Variants in NFATC3 observed in about 807,000 individuals in gnomAD.
NFATC3 encodes nuclear factor of activated T cells 3.
In NFATC3, 46 loss-of-function variants were observed where a neutral mutation model predicts 98.6. The observed-to-expected ratio is 0.47, with a 90% CI of 0.37 to 0.60. The LOEUF (loss-of-function observed/expected upper bound fraction) is 0.60, where lower values mean the gene tolerates loss of function less well. NFATC3 is among the 20% of genes least tolerant of loss of function. The probability of loss-of-function intolerance (pLI) is 0.00; values close to 1 mark genes in which losing one functional copy is unlikely to be tolerated. For missense variants in NFATC3, 1,256 were observed against 1,295.5 expected, an observed-to-expected ratio of 0.97 and a Z score of 0.47; for synonymous variants, 512 against 472.2, an observed-to-expected ratio of 1.08 and a Z score of -1.09.
intron 4 of NFATC3, among the ~76,000 whole-genome samples, chr16:68,165,613 C>A (rs1341620061): frequency 6.6e-6 from 1 of 152,062 alleles, no homozygotes; most frequent in Admixed American, 6.6e-5. Flanking sequence ...CTAGGCTGGT[C>A]TCGAAATACT....
At chr16:68,152,756 G>T (rs74469640) in intron 3 of NFATC3, among the ~76,000 whole-genome samples, 6 of 152,292 alleles carry the variant, frequency 3.9e-5, no homozygotes, top group African/African-American at 9.6e-5. Context: ...AAAATCAAAA[G>T]AATACTATTT....
At chr16:68,163,066 A>G (rs1374591733) in intron 4 of NFATC3, among the ~76,000 whole-genome samples, 4 of 152,178 alleles carry the variant, frequency 2.6e-5, no homozygotes, top group Admixed American at 6.5e-5. Context: ...GGTTGGGGGT[A>G]AGGTCACAGA....
At chr16:68,172,686 A>ATCTGAAGATCACTTGAGCACAGAAGG (rs1320040092) in intron 5 of NFATC3, among the ~76,000 whole-genome samples, 1 of 152,060 alleles carries the variant, frequency 6.6e-6, no homozygotes, top group Non-Finnish European at 1.5e-5. Context: ...GGAGGGTGAG[A>ATCTGAAGATCACTTGAGCACAGAAGG]TCTGAAGATC....
At chr16:68,157,458 C>G (rs2038678605) in intron 3 of NFATC3, among the ~76,000 whole-genome samples, 1 of 152,118 alleles carries the variant, frequency 6.6e-6, no homozygotes, top group Non-Finnish European at 1.5e-5. Flanking sequence ...ACTCTTTCTA[C>G]TAAAAGTGTC....
At chr16:68,100,148 T>C (rs2035265586) in intron 1 of NFATC3, among the ~76,000 whole-genome samples, 5 of 152,244 alleles carry the variant, frequency 3.3e-5, no homozygotes, top group Admixed American at 3.3e-4. Context: ...TTCCAGTTAT[T>C]GGCTATTATG....
chr16:68,098,795 T>C (rs915827618), intron 1 of NFATC3, among the ~76,000 whole-genome samples: 6 of 152,248 alleles, frequency 3.9e-5, no homozygotes, highest in Admixed American at 3.3e-4. Flanking sequence ...ACTAATGCTC[T>C]TGAACATCTT....
At chr16:68,205,453 G>A (rs1202378064) in intron 9 of NFATC3, among the ~76,000 whole-genome samples, 2 of 152,000 alleles carry the variant, frequency 1.3e-5, no homozygotes, top group African/African-American at 4.8e-5. Flanking sequence ...CTTTTACTAC[G>A]TTGCTCAGGT....
chr16:68,101,622 T>C (rs2035367302), intron 1 of NFATC3, among the ~76,000 whole-genome samples: 1 of 152,082 alleles, frequency 6.6e-6, no homozygotes, highest in Non-Finnish European at 1.5e-5. Context: ...TAGCTGGGAC[T>C]ACAGGCGCCT....
intron 9 of NFATC3, among the ~76,000 whole-genome samples, chr16:68,201,761 G>A (rs560089291): frequency 3.3e-5 from 5 of 149,786 alleles, no homozygotes; most frequent in Admixed American, 3.3e-4. Context: ...GTCCAGCCTG[G>A]CCAACATGGC....
At chr16:68,147,909 A>G (rs1431349608) in intron 3 of NFATC3, among the ~76,000 whole-genome samples, 1 of 152,144 alleles carries the variant, frequency 6.6e-6, no homozygotes, top group East Asian at 1.9e-4. Context: ...CGCCAGATAA[A>G]CCAAAAGAGT....
intron 8 of NFATC3, among the ~76,000 whole-genome samples, chr16:68,186,217 TAAA>T (rs898063568): frequency 1.4e-5 from 2 of 143,058 alleles, no homozygotes; most frequent in Non-Finnish European, 3.1e-5. Context: ...TTACTGTAAT[TAAA>T]AAAAAAAAAA....
chr16:68,112,006 C>G (rs776751034), intron 1 of NFATC3, among the ~76,000 whole-genome samples: 1 of 152,106 alleles, frequency 6.6e-6, no homozygotes, highest in African/African-American at 2.4e-5. Flanking sequence ...GTTTGATGGG[C>G]TTACCTTTGT....
intron 9 of NFATC3, chr16:68,225,414 T>C (rs935662893): frequency 3.3e-5 from 5 of 152,252 alleles, no homozygotes; most frequent in African/African-American, 1.2e-4. Flanking sequence ...TATGACCTTT[T>C]ATTGTCTGGC....
chr16:68,104,930 A>G (rs2035573885), intron 1 of NFATC3, among the ~76,000 whole-genome samples: 1 of 152,094 alleles, frequency 6.6e-6, no homozygotes, highest in Non-Finnish European at 1.5e-5. Context: ...CTGGGATTAC[A>G]GGCGTGAGCC....
At chr16:68,095,467 C>T (rs531638169) in intron 1 of NFATC3, among the ~76,000 whole-genome samples, 14 of 151,544 alleles carry the variant, frequency 9.2e-5, no homozygotes, top group Non-Finnish European at 1.6e-4. Context: ...ATTTTCCTGC[C>T]TCATGCCTCC....
At chr16:68,110,482 T>C (rs1275202386) in intron 1 of NFATC3, among the ~76,000 whole-genome samples, 1 of 151,874 alleles carries the variant, frequency 6.6e-6, no homozygotes, top group Admixed American at 6.6e-5. Context: ...CTAATTTTTT[T>C]TGTATTTTTT....
intron 1 of NFATC3, among the ~76,000 whole-genome samples, chr16:68,104,973 T>C (rs1400861788): frequency 1.3e-5 from 2 of 152,008 alleles, no homozygotes; most frequent in Non-Finnish European, 2.9e-5. Context: ...CTCTTGATCA[T>C]GTTAAGGAAG....
At chr16:68,221,441 G>C (rs1186625169) in intron 9 of NFATC3, 3 of 1,380,884 alleles carry the variant, frequency 2.2e-6, no homozygotes, top group African/African-American at 1.4e-5. Flanking sequence ...TTTATATTCA[G>C]TGCTCACCTG....
chr16:68,142,185 G>A (rs1030835304), intron 3 of NFATC3, among the ~76,000 whole-genome samples: 3 of 152,192 alleles, frequency 2.0e-5, no homozygotes, highest in East Asian at 1.9e-4. Flanking sequence ...TCATTTTCAC[G>A]ATACTGAGTC....
Sources: allele counts gnomAD v4.1 joint callset (sites outside exome capture counted in the v4.1 genomes callset), GRCh38; gene constraint gnomAD v4.1.1; transcripts MANE v1.5; gene names NCBI Gene and HGNC (gene_info 2026-07-23, HGNC 2026-07-21).